ULK4: variants seen among roughly 807,000 people sequenced by gnomAD.
ULK4 encodes the protein inactive serine/threonine-protein kinase ULK4.
ULK4 carries 133 observed loss-of-function variants against 160.6 expected under a neutral mutation model. The observed-to-expected ratio is 0.83, with a 90% CI of 0.72 to 0.96. ULK4 has a LOEUF of 0.96. ULK4 is among the 40% of genes least tolerant of loss of function. The probability of loss-of-function intolerance (pLI) is 0.00; values close to 1 mark genes in which losing one functional copy is unlikely to be tolerated. For missense variants in ULK4, 1,580 were observed against 1,499.5 expected (o/e 1.05, Z -0.89); for synonymous variants, 534 against 539.8 (o/e 0.99, Z 0.15).
intron 25 of ULK4, 115 bp downstream of exon 25, chr3:41,715,122 G>T: frequency 9.3e-7 from 1 of 1,074,696 alleles, no homozygotes; most frequent in Non-Finnish European, 1.4e-6. Context: ...CACTTCCCTA[G>T]AGACAAATAA....
chr3:41,609,826 T>C (rs2032580330), intron 31 of ULK4, among the ~76,000 whole-genome samples: 1 of 151,758 alleles, frequency 6.6e-6, no homozygotes, highest in African/African-American at 2.4e-5. Flanking sequence ...ACGAAAAAAT[T>C]AGCCAGGCAC....
intron 32 of ULK4, among the ~76,000 whole-genome samples, chr3:41,512,089 T>C (rs2085597278): frequency 1.3e-5 from 2 of 152,100 alleles, no homozygotes; most frequent in Non-Finnish European, 2.9e-5. Context: ...CACTTCATGA[T>C]TAAAACCCTC....
chr3:41,539,620 C>A (rs2086627302), intron 32 of ULK4, among the ~76,000 whole-genome samples: 1 of 152,076 alleles, frequency 6.6e-6, no homozygotes, highest in African/African-American at 2.4e-5. Context: ...TGTTAAATTG[C>A]CCCTGTGTAA....
At chr3:41,493,145 A>G in intron 32 of ULK4, among the ~76,000 whole-genome samples, 1 of 134,600 alleles carries the variant, frequency 7.4e-6, no homozygotes, top group East Asian at 2.0e-4. Context: ...GTACCACACC[A>G]CACCTATTCC....
At chr3:41,554,661 C>A (rs895070189) in intron 32 of ULK4, among the ~76,000 whole-genome samples, 3 of 151,892 alleles carry the variant, frequency 2.0e-5, no homozygotes, top group Non-Finnish European at 4.4e-5. Context: ...ATGGTGCCTA[C>A]AGTTAACAAC....
At chr3:41,901,478 C>CA (rs1305478036) in intron 12 of ULK4, among the ~76,000 whole-genome samples, 1 of 22,946 alleles carries the variant, frequency 4.4e-5, no homozygotes, top group African/African-American at 6.0e-5. Context: ...CCACGCCCAG[C>CA]CTTTTTTTTT....
chr3:41,319,089 T>C (rs1321074865), intron 35 of ULK4, among the ~76,000 whole-genome samples: 1 of 152,150 alleles, frequency 6.6e-6, no homozygotes, highest in Non-Finnish European at 1.5e-5. Context: ...CTTCTAGAAA[T>C]AGGGTCTTTA....
intron 32 of ULK4, among the ~76,000 whole-genome samples, chr3:41,476,808 G>A (rs950192421): frequency 6.6e-6 from 1 of 152,068 alleles, no homozygotes; most frequent in East Asian, 1.9e-4. Flanking sequence ...ACTTGAAAGA[G>A]TGAGGGAAGC....
chr3:41,823,509 A>C (rs1271395336), intron 18 of ULK4, among the ~76,000 whole-genome samples: 1 of 152,198 alleles, frequency 6.6e-6, no homozygotes, highest in Non-Finnish European at 1.5e-5. Flanking sequence ...GAAAAACACA[A>C]AAACTGAAAA....
rs546369656 is a variant in ULK4 at position 41,336,586 on chromosome 3, C to A, written c.3678+61493G>T. On this transcript the variant is annotated intron_variant, in intron 35 of 36. Transcript: ENST00000301831. ...AGGCAGGCATGGGCTGATTCAAAGGCGCAGAAGAAGAAACAACATCTGAAG... is the reference window on the plus strand; with the variant it reads ...AGGCAGGCATGGGCTGATTCAAAGGAGCAGAAGAAGAAACAACATCTGAAG... Among the ~76,000 whole-genome samples the A allele has an allele frequency of 2.6e-5, 4 of 152,286 alleles. No individual in the cohort carries two copies. The South Asian group carries it at 6.2e-4, about 24-fold the overall frequency.
chr3:41,617,060 T>C (rs2033010737), intron 30 of ULK4, among the ~76,000 whole-genome samples: 1 of 152,148 alleles, frequency 6.6e-6, no homozygotes, highest in African/African-American at 2.4e-5. Flanking sequence ...AGATTCCTCC[T>C]CACTGGGCAG....
intron 20 of ULK4, among the ~76,000 whole-genome samples, chr3:41,797,497 T>C (rs1178470000): frequency 1.3e-5 from 2 of 152,096 alleles, no homozygotes; most frequent in African/African-American, 2.4e-5. Flanking sequence ...ACTCTAAAAA[T>C]TGTAAATGAC....
chr3:41,450,003 A>G lies in ULK4; in HGVS notation c.3492+5494T>C, dbSNP rs190877069. Among the ~76,000 whole-genome samples the G allele has an allele frequency of 4.3e-3, 653 of 151,270 alleles. 4 individuals carry two copies. The highest frequency in any genetic ancestry group is 7.5e-3 in the Non-Finnish European group (512 of 67,866). ...ATGTGAAATAAACAGAACAATATAA[A>G]TTAGTCTAAATACTGGCACCTTTGA... On this transcript the variant is annotated intron_variant, in intron 34 of 36. Coordinates refer to ENST00000301831, the MANE Select transcript of ULK4 (RefSeq NM_017886.4).
At chr3:41,822,207 C>A (rs1050301814) in intron 18 of ULK4, among the ~76,000 whole-genome samples, 1 of 148,940 alleles carries the variant, frequency 6.7e-6, no homozygotes, top group Non-Finnish European at 1.5e-5. Flanking sequence ...CCCTGCCAGT[C>A]TCTCCAACCC....
At chr3:41,746,446 C>A (rs2038427696) in intron 22 of ULK4, among the ~76,000 whole-genome samples, 2 of 150,448 alleles carry the variant, frequency 1.3e-5, no homozygotes, top group South Asian at 4.2e-4. Flanking sequence ...TGGGTATATA[C>A]CTAACAAAAC....
intron 32 of ULK4, among the ~76,000 whole-genome samples, chr3:41,473,661 C>CAAAAAAAAAAAAAAAAAAAAAAA (rs1294599838): frequency 4.0e-5 from 1 of 25,292 alleles, no homozygotes; most frequent in African/African-American, 1.8e-4. Context: ...GATTCTGTCT[C>CAAAAAAAAAAAAAAAAAAAAAAA]AAAGAAAAAA....
At chr3:41,478,275 A>G (rs2084205675) in intron 32 of ULK4, among the ~76,000 whole-genome samples, 1 of 152,302 alleles carries the variant, frequency 6.6e-6, no homozygotes, top group African/African-American at 2.4e-5. Context: ...TATAATCCGA[A>G]AGAACCTGAT....
intron 35 of ULK4, among the ~76,000 whole-genome samples, chr3:41,386,996 T>C (rs1039904605): frequency 1.3e-5 from 2 of 152,164 alleles, no homozygotes; most frequent in South Asian, 2.1e-4. Context: ...TCTGTTCCAC[T>C]AGCCACTTTC....
At chr3:41,297,441 G>A (rs996070066) in intron 35 of ULK4, among the ~76,000 whole-genome samples, 2 of 152,234 alleles carry the variant, frequency 1.3e-5, no homozygotes, top group Non-Finnish European at 2.9e-5. Flanking sequence ...AACAGGGGCC[G>A]AACTGATGCT....
Sources: allele counts gnomAD v4.1 joint callset (sites outside exome capture counted in the v4.1 genomes callset), GRCh38; gene constraint gnomAD v4.1.1; transcripts MANE v1.5; gene names NCBI Gene and HGNC (gene_info 2026-07-23, HGNC 2026-07-21).